DDX18: variants seen among roughly 807,000 people sequenced by gnomAD.
DDX18 encodes ATP-dependent RNA helicase DDX18.
A neutral mutation model predicts 73.5 loss-of-function variants in DDX18; 23 were observed. The observed-to-expected ratio is 0.31, with a 90% CI of 0.23 to 0.44. The LOEUF is 0.44. DDX18 is among the 20% of genes least tolerant of loss of function. The pLI, the probability that DDX18 is intolerant of heterozygous loss-of-function variation, is 1.00. For missense variants in DDX18, 753 were observed against 792.9 expected (o/e 0.95, Z 0.60); for synonymous variants, 268 against 282.7 (o/e 0.95, Z 0.52).
intron 3 of DDX18, 92 bp from the exon 4 acceptor site, chr2:117,821,069 G>A: frequency 7.7e-7 from 1 of 1,292,490 alleles, no homozygotes; most frequent in South Asian, 1.8e-5. Flanking sequence ...ACTGCGGGAA[G>A]CTTTTCTAAG....
chr2:117,828,065 C>T (rs1453671114), intron 11 of DDX18: 7 of 152,170 alleles, frequency 4.6e-5, no homozygotes, highest in Non-Finnish European at 1.5e-5. Context: ...ATTTGGATTT[C>T]TCTGATGGCC....
Position 117,830,904 on chromosome 2 carries a change from T to A in DDX18, c.*180T>A. 1.5e-6 allele frequency: 1 copy of A among 674,010 alleles called. No individual in the cohort carries two copies. The highest frequency in any genetic ancestry group is 2.4e-6 in the Non-Finnish European group (1 of 415,910). 41.8% of individuals were successfully genotyped at this position (674,010 alleles called of 1,614,324 possible). A position where few individuals can be genotyped will look rare whatever the true frequency, so the allele number is the denominator to read the frequency against. On this transcript the variant is annotated 3_prime_UTR_variant, in exon 14 of 14. Coordinates refer to ENST00000263239, the MANE Select transcript of DDX18 (RefSeq NM_006773.4). ...TCACGTCTCTCTTTTATTTCTGGGATATAAAACAGGCTTTAAGTTTCTTGG... is the reference window on the plus strand; with the variant it reads ...TCACGTCTCTCTTTTATTTCTGGGAAATAAAACAGGCTTTAAGTTTCTTGG...
chr2:117,816,075 G>A (rs1352436557), intron 1 of DDX18, among the ~76,000 whole-genome samples: 3 of 152,158 alleles, frequency 2.0e-5, no homozygotes, highest in African/African-American at 7.2e-5. Flanking sequence ...TGACATGAGA[G>A]ATTTAGAAAA....
chr2:117,829,525 G>A (rs1679987310), intron 13 of DDX18, 59 bp downstream of exon 13: 2 of 1,505,264 alleles, frequency 1.3e-6, no homozygotes, highest in Non-Finnish European at 1.8e-6. Context: ...TGACAGAGGG[G>A]CATTTGGGGC....
chr2:117,815,030 C>T, intron 1 of DDX18, 168 bp downstream of exon 1: 1 of 646,620 alleles, frequency 1.5e-6, no homozygotes, highest in South Asian at 1.8e-5. Flanking sequence ...CGCTGCTGCC[C>T]ACTCGTCGCG....
intron 1 of DDX18, among the ~76,000 whole-genome samples, chr2:117,815,885 T>C (rs1020905988): frequency 6.6e-6 from 1 of 152,186 alleles, no homozygotes; most frequent in Admixed American, 6.5e-5. Context: ...TTGCGAACTT[T>C]ATCTAGTTAC....
rs1385217008 is a variant in DDX18, at chr2:117,828,998, A to G, written c.1685A>G (p.Gln562Arg). 1.2e-6 allele frequency: 2 copies of G among 1,612,236 alleles called. No individual in the cohort carries two copies. The highest frequency in any genetic ancestry group is 1.7e-5 in the Admixed American group (1 of 59,950). ...DFSWSKISDI[Q>R]SQLEKLIEKN... ...TCCTGGTCTAAAATTTCTGACATTC[A>G]GTCTCAGGTATGTGCTTTTTAAACG... Residue 562 changes from glutamine (Q) to arginine (R), a missense_variant, in exon 12 of 14, where the codon CAG (glutamine) becomes CGG (arginine). Physicochemically the swap from Gln to Arg is conservative, Grantham distance 43 (BLOSUM62 1). Coordinates refer to ENST00000263239, the MANE Select transcript of DDX18 (RefSeq NM_006773.4).
Position 117,830,699 on chromosome 2 carries a change from C to G in DDX18, c.1988C>G (p.Ser663Cys). The change falls in exon 14 of 14, where the codon TCT (serine) becomes TGT (cysteine). Residue 663 changes from serine to cysteine, a missense_variant. Ser to Cys is a moderately radical substitution (Grantham distance 112). Coordinates refer to ENST00000263239, the MANE Select transcript of DDX18 (RefSeq NM_006773.4). ...KIFKHISKKS[S>C]DSRQFSH ...TTTAAACACATTAGCAAGAAATCATCTGACAGCAGGCAGTTCTCTCACTGA... is the reference window on the plus strand; with the variant it reads ...TTTAAACACATTAGCAAGAAATCATGTGACAGCAGGCAGTTCTCTCACTGA... 6.2e-7 allele frequency: 1 copy of G among 1,613,646 alleles called. No individual in the cohort carries two copies. The highest frequency in any genetic ancestry group is 8.5e-7 in the Non-Finnish European group (1 of 1,179,728).
In DDX18 at chr2:117,825,567, A is replaced by G; in HGVS notation, c.1489A>G (p.Ile497Val). The G allele has an allele frequency of 1.9e-6, 3 of 1,614,176 alleles. No homozygotes were observed. Among genetic ancestry groups the G allele is most frequent in the Non-Finnish European group, 2.5e-6 (3 of 1,180,026 alleles). ...ACTAGACATTCCTGAAGTCGACTGG[A>G]TTGTTCAGTATGACCCTCCGGATGA... ...RGLDIPEVDW[I>V]VQYDPPDDPK... Residue 497 changes from isoleucine (I) to valine (V), a missense_variant, in exon 10 of 14, where the codon ATT (isoleucine) becomes GTT (valine). Around this residue, in one of 3 missense-constraint regions of DDX18, gnomAD observed 402 missense variants for 419.4 expected, o/e 0.96. Transcript: ENST00000263239.
At chr2:117,825,166 T>C (rs559290773) in intron 9 of DDX18, 65 bp downstream of exon 9, 1 of 1,533,738 alleles carries the variant, frequency 6.5e-7, no homozygotes, top group South Asian at 1.3e-5. Flanking sequence ...GATTGTAGGA[T>C]TGGAGGTATT....
chr2:117,821,061 T>A, intron 3 of DDX18, 100 bp from the exon 4 acceptor site: 14 of 1,182,990 alleles, frequency 1.2e-5, no homozygotes, highest in Non-Finnish European at 1.6e-5. Context: ...CTTTTCTTAC[T>A]GCGGGAAGCT....
At chr2:117,823,737 G>C (rs1679882238) in intron 7 of DDX18, among the ~76,000 whole-genome samples, 1 of 152,090 alleles carries the variant, frequency 6.6e-6, no homozygotes, top group African/African-American at 2.4e-5. Context: ...CTGATCTTAG[G>C]GGAAAGCATT....
At chr2:117,818,565 A>G (rs1679794038) in intron 2 of DDX18, among the ~76,000 whole-genome samples, 1 of 152,224 alleles carries the variant, frequency 6.6e-6, no homozygotes, top group African/African-American at 2.4e-5. Flanking sequence ...ATCCTGTTCT[A>G]AAATTATTGC....
At chr2:117,830,507 G>A (rs1036434243) in intron 13 of DDX18, 75 bp from the exon 14 acceptor site, 120 of 1,529,672 alleles carry the variant, frequency 7.8e-5, no homozygotes, top group Non-Finnish European at 9.7e-5. Context: ...GTTCATGCCG[G>A]TTTTTTTCTC....
At chr2:117,818,363 C>T (rs1679791607) in intron 2 of DDX18, among the ~76,000 whole-genome samples, 1 of 152,156 alleles carries the variant, frequency 6.6e-6, no homozygotes, top group South Asian at 2.1e-4. Flanking sequence ...TTTATGGCAA[C>T]AGAGATCATA....
chr2:117,815,815 A>G (rs957684556), intron 1 of DDX18: 3 of 152,220 alleles, frequency 2.0e-5, no homozygotes, highest in Admixed American at 6.5e-5. Flanking sequence ...ACAGTCATGC[A>G]TCGCATAACA....
intron 2 of DDX18, among the ~76,000 whole-genome samples, chr2:117,819,077 C>T (rs1245123064): frequency 6.6e-6 from 1 of 152,092 alleles, no homozygotes; most frequent in Non-Finnish European, 1.5e-5. Context: ...CCATTTGACC[C>T]AGAGTCGAAC....
rs1038020309 is a variant in DDX18 at position 117,814,713 on chromosome 2, A to G, written c.-65A>G. 6.5e-7 allele frequency: 1 copy of G among 1,530,866 alleles called. No individual in the cohort carries two copies. Among genetic ancestry groups the G allele is most frequent in the African/African-American group, 1.4e-5 (1 of 72,794 alleles). The allele number at this position is 1,530,866 out of a possible 1,614,324, so 94.8% of individuals were successfully genotyped here. On this transcript the variant is annotated 5_prime_UTR_variant, in exon 1 of 14. Transcript: ENST00000263239. ...CGCACGTGCGGCCGGAAGGGAAGTA[A>G]CGTCAGCCTGAGAACTGAGTAGCTG...
intron 11 of DDX18, chr2:117,828,080 A>G (rs1263060947): frequency 1.3e-5 from 2 of 152,202 alleles, no homozygotes; most frequent in East Asian, 1.9e-4. Flanking sequence ...ATGGCCAGTG[A>G]TGATGAGCAT....
Sources: gnomAD v4.1 joint callset for allele counts (sites outside exome capture counted in the v4.1 genomes callset) on GRCh38, gnomAD v4.1.1 for gene constraint, gnomAD v4.1.1 regional missense constraint, MANE v1.5 for transcripts, NCBI Gene and HGNC (gene_info 2026-07-23, HGNC 2026-07-21) for gene names.